TMEM182: variants seen among roughly 807,000 people sequenced by gnomAD.
The protein encoded by TMEM182 is transmembrane protein 182.
TMEM182 carries 20 observed loss-of-function variants against 26.8 expected under a neutral mutation model. That is an observed-to-expected ratio of 0.75 (90% CI 0.53 to 1.09). The LOEUF is 1.09. Among genes scored for constraint, TMEM182 ranks in the 50% least tolerant of loss-of-function variants. TMEM182 has a pLI of 0.00. For missense variants in TMEM182, 277 were observed against 275.5 expected, an observed-to-expected ratio of 1.01 and a Z score of -0.04; for synonymous variants, 109 against 102.2, an observed-to-expected ratio of 1.07 and a Z score of -0.40.
At chr2:102,825,666 C>T (rs1170715970) in intron 3 of TMEM182, among the ~76,000 whole-genome samples, 1 of 152,190 alleles carries the variant, frequency 6.6e-6, no homozygotes, top group African/African-American at 2.4e-5. Context: ...AATTGAAATC[C>T]TGTAAGAACA....
chr2:102,808,481 G>A lies in TMEM182; in HGVS notation c.470-6267G>A, dbSNP rs186150456. On this transcript the variant is annotated intron_variant, in intron 4 of 4. Coordinates refer to ENST00000412401, the MANE Select transcript of TMEM182 (RefSeq NM_144632.5). ...AGCAGGTGCACTTCAGGTGCCTGCC[G>A]TAGCATCGATAAGTTCCAGTGCCAT... Among the ~76,000 whole-genome samples the A allele has an allele frequency of 4.7e-4, 71 of 152,230 alleles. 1 individual carries two copies. Among genetic ancestry groups the A allele is most frequent in the African/African-American group, 1.2e-3 (48 of 41,554 alleles).
At chr2:102,828,754 GA>G (rs1407965327) in intron 3 of TMEM182, among the ~76,000 whole-genome samples, 72 of 152,312 alleles carry the variant, frequency 4.7e-4, no homozygotes, top group African/African-American at 1.7e-3. Flanking sequence ...CTAGATGAAT[GA>G]CAGCATGGAG....
intron 3 of TMEM182, among the ~76,000 whole-genome samples, chr2:102,838,068 C>G (rs904260828): frequency 1.3e-5 from 2 of 152,244 alleles, no homozygotes; most frequent in Non-Finnish European, 2.9e-5. Context: ...GGCCCTGCCC[C>G]AGCATCAGTG....
chr2:102,838,680 C>T (rs979726012), intron 3 of TMEM182, among the ~76,000 whole-genome samples: 4 of 152,044 alleles, frequency 2.6e-5, no homozygotes, highest in Admixed American at 2.6e-4. Context: ...GGCTGGACGA[C>T]CATTTTAAAA....
At chr2:102,752,186 T>C (rs1679892883) in intron 1 of TMEM182, among the ~76,000 whole-genome samples, 1 of 152,154 alleles carries the variant, frequency 6.6e-6, no homozygotes, top group African/African-American at 2.4e-5. Flanking sequence ...TCCTCATCAA[T>C]AAAATGAGAG....
intron 1 of TMEM182, among the ~76,000 whole-genome samples, chr2:102,749,607 G>A (rs1248485248): frequency 6.6e-6 from 1 of 152,066 alleles, no homozygotes; most frequent in Admixed American, 6.6e-5. Flanking sequence ...TAATAAAGGT[G>A]CCTTAGAGAA....
At chr2:102,750,853 ATAC>A (rs1679856313) in intron 1 of TMEM182, among the ~76,000 whole-genome samples, 1 of 152,186 alleles carries the variant, frequency 6.6e-6, no homozygotes, top group South Asian at 2.1e-4. Flanking sequence ...CCACAACAAA[ATAC>A]TACAGACTAG....
chr2:102,778,221 A>G (rs1004273435), intron 3 of TMEM182, among the ~76,000 whole-genome samples: 10 of 151,818 alleles, frequency 6.6e-5, no homozygotes, highest in African/African-American at 1.7e-4. Context: ...TAGGATTGCT[A>G]TGTCTTCTTA....
chr2:102,819,696 A>G (rs903858042), downstream of TMEM182, among the ~76,000 whole-genome samples: 1 of 152,246 alleles, frequency 6.6e-6, no homozygotes, highest in Non-Finnish European at 1.5e-5. Context: ...ATGAACGCGT[A>G]GAAGAAATGC....
At chr2:102,803,681 A>G (rs1031033163) in intron 4 of TMEM182, among the ~76,000 whole-genome samples, 1 of 152,168 alleles carries the variant, frequency 6.6e-6, no homozygotes, top group African/African-American at 2.4e-5. Flanking sequence ...TCAGGTGCTC[A>G]TTTTCCTTTG....
At chr2:102,831,312 C>A (rs1280837867) in intron 3 of TMEM182, among the ~76,000 whole-genome samples, 2 of 152,228 alleles carry the variant, frequency 1.3e-5, no homozygotes, top group East Asian at 3.9e-4. Flanking sequence ...TGACAGTGGA[C>A]AAGTGTTCCC....
intron 3 of TMEM182, among the ~76,000 whole-genome samples, chr2:102,766,412 G>T (rs569038958): frequency 6.6e-6 from 1 of 152,094 alleles, no homozygotes; most frequent in Admixed American, 6.5e-5. Context: ...ATTGGCACAC[G>T]TATTGGAACT....
intron 3 of TMEM182, among the ~76,000 whole-genome samples, chr2:102,779,971 G>C (rs2540286): frequency 0.56 from 85,365 of 151,864 alleles, 24,925 homozygotes; most frequent in African/African-American, 0.72. Flanking sequence ...TCATTGCACT[G>C]CAGCCTGGGC....
At position 102,772,744 on chromosome 2, in the gene TMEM182, T is replaced by C. The variant is rs115606509; in HGVS notation, c.331+8317T>C. Among the ~76,000 whole-genome samples, 561 of 152,270 alleles carry C rather than the reference T, an allele frequency of 3.7e-3. 8 individuals carry two copies. The highest frequency in any genetic ancestry group is 0.013 in the African/African-American group (535 of 41,546). Reference sequence around the variant, plus strand: ...AAGGGAGATAAGAATAGTTTCAACCTCACAGTTGTTTTCAAAATGAAAAGA... The same window carrying C: ...AAGGGAGATAAGAATAGTTTCAACCCCACAGTTGTTTTCAAAATGAAAAGA... On this transcript the variant is annotated intron_variant, in intron 3 of 4. Coordinates refer to ENST00000412401, the MANE Select transcript of TMEM182 (RefSeq NM_144632.5).
intron 1 of TMEM182, among the ~76,000 whole-genome samples, chr2:102,755,325 G>C (rs543130226): frequency 2.0e-5 from 3 of 152,186 alleles, no homozygotes; most frequent in African/African-American, 7.2e-5. Flanking sequence ...TTCCTTGTTC[G>C]CAAAAGTATT....
chr2:102,750,446 G>C (rs1255799960), intron 1 of TMEM182, among the ~76,000 whole-genome samples: 1 of 152,168 alleles, frequency 6.6e-6, no homozygotes, highest in East Asian at 1.9e-4. Context: ...TCTGCCATCT[G>C]AGTCTTCCTT....
chr2:102,804,959 A>G (rs72829943), intron 4 of TMEM182, among the ~76,000 whole-genome samples: 29,122 of 152,184 alleles, frequency 0.19, 3,656 homozygotes, highest in Middle Eastern at 0.27. Context: ...GGATTTGTCT[A>G]AAAAATCACT....
At chr2:102,748,264 C>T (rs192563097) in intron 1 of TMEM182, among the ~76,000 whole-genome samples, 8 of 152,300 alleles carry the variant, frequency 5.3e-5, no homozygotes, top group Non-Finnish European at 8.8e-5. Flanking sequence ...TCATCTGCCC[C>T]GCAATGAAAT....
chr2:102,832,038 A>T (rs996975918), intron 3 of TMEM182, among the ~76,000 whole-genome samples: 1 of 152,216 alleles, frequency 6.6e-6, no homozygotes. Context: ...TATATTTCAT[A>T]TTGCCATGCT....
Sources: allele counts gnomAD v4.1 joint callset (sites outside exome capture counted in the v4.1 genomes callset), GRCh38; gene constraint gnomAD v4.1.1; transcripts MANE v1.5; gene names NCBI Gene and HGNC (gene_info 2026-07-23, HGNC 2026-07-21).